The following XRCC5 variants were observed in gnomAD, a reference collection of about 807,000 sequenced individuals.
XRCC5 encodes DNA repair protein Ku80.
XRCC5 carries 12 observed loss-of-function variants against 95.7 expected under a neutral mutation model. That is an observed-to-expected ratio of 0.13 (90% CI 0.08 to 0.20). The LOEUF (loss-of-function observed/expected upper bound fraction) is 0.20. Among genes scored for constraint, XRCC5 ranks in the 10% least tolerant of loss-of-function variants. XRCC5 has a pLI of 1.00. For missense variants in XRCC5, 595 were observed against 873.9 expected, an observed-to-expected ratio of 0.68 and a Z score of 4.02; for synonymous variants, 281 against 290.3, an observed-to-expected ratio of 0.97 and a Z score of 0.33.
intron 16 of XRCC5, among the ~76,000 whole-genome samples, chr2:216,186,078 T>A (rs1193444836): frequency 1.3e-5 from 2 of 152,214 alleles, no homozygotes; most frequent in Non-Finnish European, 2.9e-5. Context: ...AGCCAAATCA[T>A]TTGAGGTGTC....
intron 14 of XRCC5, among the ~76,000 whole-genome samples, chr2:216,153,067 C>T (rs988042076): frequency 3.3e-5 from 5 of 152,300 alleles, no homozygotes; most frequent in Admixed American, 3.3e-4. Context: ...ATCTTTCCTT[C>T]CAGAAGCCAG....
At chr2:216,182,751 G>A (rs1574482665) in intron 16 of XRCC5, among the ~76,000 whole-genome samples, 1 of 152,160 alleles carries the variant, frequency 6.6e-6, no homozygotes, top group African/African-American at 2.4e-5. Flanking sequence ...TAGAATTGGG[G>A]AAAATTAGTT....
intron 16 of XRCC5, among the ~76,000 whole-genome samples, chr2:216,169,379 C>G (rs1019258371): frequency 6.6e-6 from 1 of 152,218 alleles, no homozygotes; most frequent in Non-Finnish European, 1.5e-5. Context: ...GTAAAACCCA[C>G]TAGAACCAGT....
intron 9 of XRCC5, chr2:216,131,228 G>T: frequency 2.0e-6 from 2 of 985,396 alleles, no homozygotes; most frequent in Non-Finnish European, 2.4e-6. Flanking sequence ...TTTGAATGGG[G>T]AATGGAAGCG....
In XRCC5 at chr2:216,113,098, A is replaced by G; in HGVS notation, c.104A>G (p.Lys35Arg). ...PGIESPFEQAKKVITMFVQRQ... is the reference protein window; with the variant it reads ...PGIESPFEQARKVITMFVQRQ... ...ATAGAATCCCCATTTGAACAAGCAA[A>G]GAAGGTGATAACCATGTTTGTACAG... The change falls in exon 2 of 21, where the codon AAG becomes AGG. Residue 35 changes from lysine to arginine, a missense_variant. Physicochemically the swap from Lys to Arg is conservative, Grantham distance 26. Transcript: ENST00000392132. 6.2e-7 allele frequency: 1 copy of G among 1,614,096 alleles called. No homozygotes were observed. Among genetic ancestry groups the G allele is most frequent in the South Asian group, 1.1e-5 (1 of 91,084 alleles).
chr2:216,177,521 C>T (rs192113635), intron 16 of XRCC5, among the ~76,000 whole-genome samples: 12 of 152,168 alleles, frequency 7.9e-5, no homozygotes, highest in East Asian at 5.8e-4. Context: ...TCCTCTGCTT[C>T]GAGGGAAAAA....
In XRCC5 at chr2:216,129,398, G is replaced by A. The variant is rs187150822; in HGVS notation, c.938-1477G>A. Among the ~76,000 whole-genome samples, 13 of 152,310 alleles carry A rather than the reference G, an allele frequency of 8.5e-5. No individual in the cohort carries two copies. The East Asian group carries it at 2.5e-3, about 29-fold the overall frequency. ...TGTGGGCAAAGGAATCTGGTTAAAT[G>A]TTGTAGTCTATTGTAAGTATACAAT... On this transcript the variant is annotated intron_variant, in intron 8 of 20. Transcript: ENST00000392132.
chr2:216,175,702 T>A (rs1253063090), intron 16 of XRCC5: 1 of 432,162 alleles, frequency 2.3e-6, no homozygotes, highest in Non-Finnish European at 4.4e-6. Context: ...GAAACAACTG[T>A]CTTTGGTTCC....
intron 19 of XRCC5, among the ~76,000 whole-genome samples, chr2:216,200,786 A>G (rs1305185023): frequency 6.6e-6 from 1 of 152,068 alleles, no homozygotes; most frequent in Non-Finnish European, 1.5e-5. Context: ...CCTTTTTTTC[A>G]TCAATTATGT....
At chr2:216,197,688 C>T (rs41296785) in intron 19 of XRCC5, among the ~76,000 whole-genome samples, 4,611 of 152,148 alleles carry the variant, frequency 0.03, 233 homozygotes, top group African/African-American at 0.1. Context: ...TTAGGAAATT[C>T]AACATAAAAT....
rs114998486 is a variant in XRCC5, at chr2:216,145,363, T to C, written c.1477-2720T>C. 6.5e-3 allele frequency among the ~76,000 whole-genome samples: 984 copies of C among 152,314 alleles called. 14 individuals are homozygous for C. Among genetic ancestry groups the C allele is most frequent in the African/African-American group, 0.022 (922 of 41,546 alleles). ...TGGAAAGAAATGCTGAAAATATATC[T>C]TGTCAAGTATACAGTTAAAACCACT... On this transcript the variant is annotated intron_variant, in intron 13 of 20. Coordinates refer to ENST00000392132, the MANE Select transcript of XRCC5 (RefSeq NM_021141.4).
chr2:216,130,667 A>G (rs1484562061), intron 8 of XRCC5: 1 of 401,218 alleles, frequency 2.5e-6, no homozygotes, highest in Non-Finnish European at 4.4e-6. Context: ...TTAGATTTTA[A>G]TCATCTCTAT....
At chr2:216,129,819 G>T (rs1162387799) in intron 8 of XRCC5, among the ~76,000 whole-genome samples, 1 of 151,988 alleles carries the variant, frequency 6.6e-6, no homozygotes, top group Non-Finnish European at 1.5e-5. Context: ...GACTACAGGC[G>T]CGTGCCACCA....
intron 19 of XRCC5, among the ~76,000 whole-genome samples, chr2:216,203,521 A>G (rs1271550455): frequency 6.6e-6 from 1 of 152,182 alleles, no homozygotes; most frequent in Non-Finnish European, 1.5e-5. Context: ...GTGTTCAGAT[A>G]ATTTTCAAGG....
At chr2:216,191,702 C>T (rs570058100) in intron 17 of XRCC5, among the ~76,000 whole-genome samples, 6 of 152,140 alleles carry the variant, frequency 3.9e-5, no homozygotes, top group African/African-American at 4.8e-5. Flanking sequence ...TGAGCCACTG[C>T]GCCCGGCCAA....
intron 13 of XRCC5, among the ~76,000 whole-genome samples, chr2:216,142,130 C>T (rs891434087): frequency 1.3e-5 from 2 of 152,110 alleles, no homozygotes; most frequent in South Asian, 4.1e-4. Flanking sequence ...GATGGGACTC[C>T]AGGTGTATAC....
At chr2:216,118,486 A>G (rs1032955800) in intron 4 of XRCC5, among the ~76,000 whole-genome samples, 5 of 152,090 alleles carry the variant, frequency 3.3e-5, no homozygotes, top group Admixed American at 2.6e-4. Context: ...CTGCTTCCTA[A>G]TTCAGTATTT....
chr2:216,137,022 A>G, intron 10 of XRCC5, 66 bp from the exon 11 acceptor site: 1 of 1,550,906 alleles, frequency 6.4e-7, no homozygotes, highest in Non-Finnish European at 8.7e-7. Flanking sequence ...GTCTTAAAGT[A>G]TTGAGTTCTG....
intron 13 of XRCC5, among the ~76,000 whole-genome samples, chr2:216,143,133 C>T (rs1697197880): frequency 6.6e-6 from 1 of 152,226 alleles, no homozygotes; most frequent in Non-Finnish European, 1.5e-5. Context: ...AGCTTGATAT[C>T]ACTGCCCAGC....
Sources: allele counts gnomAD v4.1 joint callset (sites outside exome capture counted in the v4.1 genomes callset), GRCh38; gene constraint gnomAD v4.1.1; transcripts MANE v1.5; gene names NCBI Gene and HGNC (gene_info 2026-07-23, HGNC 2026-07-21).